Variants in GSDMD observed in about 807,000 individuals in gnomAD.
The protein encoded by GSDMD is gasdermin D, also known as gasdermin-D.
In GSDMD, 46 loss-of-function variants were observed where a neutral mutation model predicts 46.7. That is an observed-to-expected ratio of 0.99 (90% CI 0.78 to 1.26). GSDMD has a LOEUF of 1.26. GSDMD is among the 50% of genes most tolerant of loss of function. The probability of loss-of-function intolerance (pLI) is 0.00; values close to 1 mark genes in which losing one functional copy is unlikely to be tolerated. For synonymous variants in GSDMD, 307 were observed against 283.1 expected, an observed-to-expected ratio of 1.08 and a Z score of -0.85; for missense variants, 649 against 638.8, an observed-to-expected ratio of 1.02 and a Z score of -0.17.
At chr8:143,561,515 A>G in intron 6 of GSDMD, 92 bp downstream of exon 6, 1 of 1,338,752 alleles carries the variant, frequency 7.5e-7, no homozygotes, top group South Asian at 1.3e-5. Context: ...CTCAGGGCAC[A>G]GGGAGGCCGG....
upstream of GSDMD, among the ~76,000 whole-genome samples, chr8:143,557,470 T>A (rs1298565505): frequency 1.3e-5 from 2 of 150,136 alleles, no homozygotes; most frequent in African/African-American, 5.1e-5. Flanking sequence ...TGATGAAGGA[T>A]GATGCCGCTG....
At chr8:143,558,554 C>A in intron 1 of GSDMD, 103 bp downstream of exon 1, 1 of 1,159,862 alleles carries the variant, frequency 8.6e-7, no homozygotes, top group South Asian at 1.7e-5. Flanking sequence ...CCCCAGCGTT[C>A]GCCCAGAAGG....
chr8:143,560,852 C>T (rs1406175360), intron 4 of GSDMD, 81 bp downstream of exon 4: 19 of 1,437,018 alleles, frequency 1.3e-5, no homozygotes, highest in Admixed American at 1.1e-4. Context: ...GGCTGGGCTC[C>T]GCCAAGGCCC....
chr8:143,557,477 G>T (rs1318599840), upstream of GSDMD, among the ~76,000 whole-genome samples: 1 of 150,140 alleles, frequency 6.7e-6, no homozygotes, highest in African/African-American at 2.5e-5. Context: ...GGATGATGCC[G>T]CTGTGACGAC....
chr8:143,561,486 G>C (rs1349917269), intron 6 of GSDMD, 63 bp downstream of exon 6: 2 of 1,506,530 alleles, frequency 1.3e-6, no homozygotes, highest in African/African-American at 1.4e-5. Context: ...CTGGGCAGTT[G>C]AGGCCTTCTC....
chr8:143,560,818 CGGCGGCGGGTGACGGA>C, intron 4 of GSDMD, 47 bp downstream of exon 4: 2 of 1,466,692 alleles, frequency 1.4e-6, no homozygotes, highest in Middle Eastern at 2.2e-4. Flanking sequence ...CGTGGGCATG[CGGCGGCGGGTGACGGA>C]GGCGGCGGGC....
upstream of GSDMD, among the ~76,000 whole-genome samples, chr8:143,554,399 C>T (rs143380150): frequency 1.3e-5 from 2 of 149,014 alleles, no homozygotes; most frequent in South Asian, 2.2e-4. Flanking sequence ...CGCGCACAAA[C>T]GCGCACACGT....
At chr8:143,558,490 G>A in intron 1 of GSDMD, 39 bp downstream of exon 1, 3 of 1,431,408 alleles carry the variant, frequency 2.1e-6, no homozygotes, top group Admixed American at 2.8e-5. Context: ...CCTGGCTGGA[G>A]CTCCCGAGTG....
Position 143,561,979 on chromosome 8 carries a change from G to A in GSDMD, c.844G>A (p.Ala282Thr), listed in dbSNP as rs1226341854. ...FLTDGVPAEG[A>T]FTEDFQGLRA... The stretch of plus-strand genomic sequence containing the variant: ...TACAGATGGGGTCCCTGCGGAGGGG[G>A]CGTTCACTGAAGACTTCCAGGGCCT... Residue 282 changes from alanine (A) to threonine (T), a missense_variant, in exon 8 of 11, where the codon GCG becomes ACG. Transcript: ENST00000262580. 6.2e-7 allele frequency: 1 copy of A among 1,608,232 alleles called. No homozygotes were observed. The highest frequency in any genetic ancestry group is 8.5e-7 in the Non-Finnish European group (1 of 1,178,638).
rs763097761 is a variant in GSDMD, at chr8:143,562,079, G to C, written c.944G>C (p.Gly315Ala). Residue 315 changes from glycine to alanine, a missense_variant, in exon 8 of 11, where the codon GGC (glycine) becomes GCC (alanine). By Grantham distance (60) the Gly-to-Ala change is moderately conservative. Transcript: ENST00000262580. ...DRELCQLLLE[G>A]LEGVLRDQLA... ...GAGCTGTGCCAGCTGCTGCTGGAGG[G>C]CCTGGAGGGGGTGCTGCGGGACCAG... The C allele has an allele frequency of 6.3e-7, 1 of 1,597,100 alleles. No homozygotes were observed. The highest frequency in any genetic ancestry group is 8.5e-7 in the Non-Finnish European group (1 of 1,177,128).
upstream of GSDMD, among the ~76,000 whole-genome samples, chr8:143,556,272 C>A (rs897222519): frequency 6.6e-6 from 1 of 151,746 alleles, no homozygotes; most frequent in Non-Finnish European, 1.5e-5. Context: ...CCCAACTACT[C>A]GGGAGGCTGA....
chr8:143,558,579 CG>C (rs1823367623), intron 1 of GSDMD, 128 bp downstream of exon 1: 6 of 952,502 alleles, frequency 6.3e-6, no homozygotes, highest in East Asian at 3.2e-5. Context: ...GCGCCGCACA[CG>C]GGGGCGGAAG....
At chr8:143,559,078 G>A in intron 1 of GSDMD, 1 of 593,632 alleles carries the variant, frequency 1.7e-6, no homozygotes, top group Non-Finnish European at 3.0e-6. Context: ...AGCAGGTCTG[G>A]GCGTCAGGCC....
chr8:143,560,816 T>C (rs11136298), intron 4 of GSDMD, 45 bp downstream of exon 4: 1,464,084 of 1,475,862 alleles, frequency 0.99, 726,969 homozygotes, highest in Non-Finnish European at 1. Context: ...CACGTGGGCA[T>C]GCGGCGGCGG....
At chr8:143,555,921 T>A (rs550062685), upstream of GSDMD, 1 of 152,136 alleles carries the variant, frequency 6.6e-6, no homozygotes, top group African/African-American at 2.4e-5. Flanking sequence ...TAAATAATTT[T>A]AAAAACTTAC....
Position 143,561,715 on chromosome 8 carries a change from GCCCTGCCCTCCCATGC to G in GSDMD, c.737-18_737-3del, listed in dbSNP as rs1220918215. ...AGACACCCTTCCCCGGCACTGACCA[GCCCTGCCCTCCCATGC>G]CCCTGCCCAGGCCACAAGCGTTCCA... On this transcript the variant is annotated splice_polypyrimidine_tract_variant and intron_variant, in intron 6 of 10. Transcript: ENST00000262580. 1 of 1,576,474 alleles carries G rather than the reference GCCCTGCCCTCCCATGC, an allele frequency of 6.3e-7. No individual in the cohort carries two copies. The highest frequency in any genetic ancestry group is 1.7e-5 in the Admixed American group (1 of 57,384).
chr8:143,559,824 C>T lies in GSDMD; in HGVS notation c.265C>T (p.Gln89Ter). 3.1e-6 allele frequency: 5 copies of T among 1,611,198 alleles called. No individual in the cohort carries two copies. Among genetic ancestry groups the T allele is most frequent in the Non-Finnish European group, 4.2e-6 (5 of 1,179,272 alleles). The stretch of plus-strand genomic sequence containing the variant: ...CCACTTCTACGATGCCATGGATGGG[C>T]AGATACAGGGCAGCGTGGAGCTGGC... ...SFHFYDAMDG[Q>*]IQGSVELAAP... is the part of the protein sequence containing the mutation. Residue 89 changes from glutamine to a stop codon, truncating the protein, a stop_gained, in exon 3 of 11, where the codon CAG (glutamine) becomes TAG (stop). Transcript: ENST00000262580. LOFTEE classifies it high-confidence loss of function.
At chr8:143,556,816 C>A (rs1054879957), upstream of GSDMD, among the ~76,000 whole-genome samples, 4 of 152,230 alleles carry the variant, frequency 2.6e-5, no homozygotes, top group African/African-American at 9.6e-5. Context: ...CTACTGGGCA[C>A]TAGATTTTTA....
upstream of GSDMD, among the ~76,000 whole-genome samples, chr8:143,553,980 G>A (rs1823254582): frequency 8.4e-6 from 1 of 118,828 alleles, no homozygotes; most frequent in African/African-American, 2.6e-5. Flanking sequence ...CCCTGCTGGA[G>A]GCAAGGCCCG....
Sources: allele counts gnomAD v4.1 joint callset (sites outside exome capture counted in the v4.1 genomes callset), GRCh38; gene constraint gnomAD v4.1.1; transcripts MANE v1.5; gene names NCBI Gene and HGNC (gene_info 2026-07-23, HGNC 2026-07-21).